The following EGFLAM variants were observed in gnomAD, a reference collection of about 807,000 sequenced individuals.
EGFLAM encodes EGF like, fibronectin type III and laminin G domains.
In EGFLAM, 79 loss-of-function variants were observed where a neutral mutation model predicts 113.1. The observed-to-expected ratio is 0.70, with a 90% CI of 0.58 to 0.84. The LOEUF is 0.84. EGFLAM is among the 40% of genes least tolerant of loss of function. The probability of loss-of-function intolerance (pLI) is 0.00; values close to 1 mark genes in which losing one functional copy is unlikely to be tolerated. For missense variants in EGFLAM, 1,265 were observed against 1,291.6 expected, an observed-to-expected ratio of 0.98 and a Z score of 0.32; for synonymous variants, 504 against 487.6, an observed-to-expected ratio of 1.03 and a Z score of -0.44.
intron 14 of EGFLAM, 31 bp from the exon 15 acceptor site, chr5:38,431,146 A>G (rs1362415608): frequency 1.3e-6 from 2 of 1,599,882 alleles, no homozygotes; most frequent in Non-Finnish European, 1.7e-6. Flanking sequence ...AACTCGATAC[A>G]TAAAAATAAT....
chr5:38,424,411 C>T (rs892334066), intron 12 of EGFLAM, among the ~76,000 whole-genome samples: 1 of 152,152 alleles, frequency 6.6e-6, no homozygotes, highest in Non-Finnish European at 1.5e-5. Flanking sequence ...TATTATGGGG[C>T]CCTCCCTCCC....
At chr5:38,319,668 G>T (rs1738690541) in intron 1 of EGFLAM, among the ~76,000 whole-genome samples, 1 of 152,206 alleles carries the variant, frequency 6.6e-6, no homozygotes, top group Non-Finnish European at 1.5e-5. Context: ...TGGGGAAGAT[G>T]ATGGGTTCCA....
At chr5:38,397,988 G>T (rs1165587867) in intron 6 of EGFLAM, among the ~76,000 whole-genome samples, 2 of 152,178 alleles carry the variant, frequency 1.3e-5, no homozygotes, top group African/African-American at 2.4e-5. Flanking sequence ...ATAGATCCTG[G>T]TTCAGTCATT....
At chr5:38,326,133 C>T (rs184021427) in intron 1 of EGFLAM, among the ~76,000 whole-genome samples, 16 of 152,200 alleles carry the variant, frequency 1.1e-4, no homozygotes, top group African/African-American at 3.4e-4. Context: ...TGGTCTTGGG[C>T]CTCTCTCCCC....
chr5:38,387,238 C>A (rs987869406), intron 6 of EGFLAM, among the ~76,000 whole-genome samples: 1 of 152,126 alleles, frequency 6.6e-6, no homozygotes, highest in African/African-American at 2.4e-5. Context: ...AATATAAAAC[C>A]ACCTCCACTG....
At chr5:38,337,065 A>G (rs1170732852) in intron 1 of EGFLAM, among the ~76,000 whole-genome samples, 4 of 152,222 alleles carry the variant, frequency 2.6e-5, no homozygotes, top group East Asian at 1.9e-4. Context: ...ATACATAACT[A>G]TATTTTTTAA....
intron 4 of EGFLAM, among the ~76,000 whole-genome samples, chr5:38,351,133 G>A (rs1188603130): frequency 1.4e-5 from 2 of 145,196 alleles, no homozygotes; most frequent in Non-Finnish European, 3.0e-5. Flanking sequence ...TTTTGAGACA[G>A]AGTCTCACTC....
intron 14 of EGFLAM, among the ~76,000 whole-genome samples, chr5:38,429,356 A>G (rs542452724): frequency 6.6e-6 from 1 of 152,360 alleles, no homozygotes; most frequent in East Asian, 1.9e-4. Flanking sequence ...CTAATTGCTA[A>G]GAACAGATCA....
intron 5 of EGFLAM, among the ~76,000 whole-genome samples, chr5:38,364,454 C>T (rs1213253239): frequency 2.0e-5 from 3 of 152,114 alleles, no homozygotes; most frequent in Admixed American, 2.0e-4. Context: ...TAAGCAGTGG[C>T]TTGGAGGCAA....
chr5:38,434,543 ATAACT>A (rs549104021), intron 15 of EGFLAM, among the ~76,000 whole-genome samples: 4 of 152,374 alleles, frequency 2.6e-5, no homozygotes, highest in South Asian at 2.1e-4. Context: ...AAAGAAAATA[ATAACT>A]TAACATTACC....
chr5:38,409,172 T>C (rs1741391059), intron 10 of EGFLAM, 68 bp downstream of exon 10: 8 of 1,251,090 alleles, frequency 6.4e-6, no homozygotes, highest in Non-Finnish European at 8.8e-6. Flanking sequence ...TGCCTTTTTA[T>C]AGTATGAAAA....
chr5:38,342,326 C>G (rs1739357689), intron 3 of EGFLAM, among the ~76,000 whole-genome samples: 1 of 152,184 alleles, frequency 6.6e-6, no homozygotes, highest in African/African-American at 2.4e-5. Context: ...ATGTGAGCAC[C>G]TCTGTGGAGG....
intron 1 of EGFLAM, among the ~76,000 whole-genome samples, chr5:38,315,445 C>T (rs1001032364): frequency 3.3e-5 from 5 of 152,308 alleles, no homozygotes; most frequent in East Asian, 1.9e-4. Context: ...CACCATTCAT[C>T]GCACAATATA....
chr5:38,327,445 T>C (rs1477326284), intron 1 of EGFLAM, among the ~76,000 whole-genome samples: 1 of 152,224 alleles, frequency 6.6e-6, no homozygotes, highest in Non-Finnish European at 1.5e-5. Context: ...TTGTCCTTCA[T>C]CTCTGCCACC....
At chr5:38,432,928 T>C (rs2112212103) in intron 15 of EGFLAM, among the ~76,000 whole-genome samples, 1 of 152,300 alleles carries the variant, frequency 6.6e-6, no homozygotes, top group South Asian at 2.1e-4. Flanking sequence ...CTTTTTTACC[T>C]CTGGCGACAT....
intron 6 of EGFLAM, among the ~76,000 whole-genome samples, chr5:38,390,657 T>C (rs1357451640): frequency 6.6e-6 from 1 of 152,238 alleles, no homozygotes; most frequent in African/African-American, 2.4e-5. Flanking sequence ...CAACACTTGG[T>C]ATTATCAGAC....
chr5:38,306,625 A>G (rs1312328854), intron 1 of EGFLAM, among the ~76,000 whole-genome samples: 1 of 152,202 alleles, frequency 6.6e-6, no homozygotes, highest in African/African-American at 2.4e-5. Context: ...CATGCGGAAT[A>G]TACAATTTTC....
intron 1 of EGFLAM, among the ~76,000 whole-genome samples, chr5:38,283,063 C>G (rs965564931): frequency 6.6e-6 from 1 of 152,132 alleles, no homozygotes; most frequent in Non-Finnish European, 1.5e-5. Flanking sequence ...TTGTATTGCT[C>G]AGAGCTCAAG....
rs568894053 is a variant in EGFLAM, at chr5:38,451,415, G to C, written c.2644G>C (p.Asp882His). The C allele has an allele frequency of 6.2e-7, 1 of 1,614,204 alleles. No homozygotes were observed. The highest frequency in any genetic ancestry group is 8.5e-7 in the Non-Finnish European group (1 of 1,180,030). ...RGDSPMRPNSDFISLGLRDGA... is the reference protein window; with the variant it reads ...RGDSPMRPNSHFISLGLRDGA... ...AGACAGCCCCATGAGACCCAACAGCGACTTCATTTCCTTGGGCCTTCGGGA... is the reference window on the plus strand; with the variant it reads ...AGACAGCCCCATGAGACCCAACAGCCACTTCATTTCCTTGGGCCTTCGGGA... Residue 882 changes from aspartate to histidine, a missense_variant, in exon 19 of 22, where the codon GAC (aspartate) becomes CAC (histidine). By Grantham distance (81) the Asp-to-His change is moderately conservative. Coordinates refer to ENST00000322350, the MANE Select transcript of EGFLAM (RefSeq NM_152403.4).
Sources: gnomAD v4.1 joint callset for allele counts (sites outside exome capture counted in the v4.1 genomes callset) on GRCh38, gnomAD v4.1.1 for gene constraint, MANE v1.5 for transcripts, NCBI Gene and HGNC (gene_info 2026-07-23, HGNC 2026-07-21) for gene names.